Variants in MARK1 observed in about 807,000 individuals in gnomAD.
The protein encoded by MARK1 is serine/threonine-protein kinase MARK1.
In MARK1, 40 loss-of-function variants were observed where a neutral mutation model predicts 96.3. The observed-to-expected ratio is 0.42, with a 90% CI of 0.32 to 0.54. The LOEUF is 0.54. MARK1 is among the 20% of genes least tolerant of loss of function. The probability of loss-of-function intolerance (pLI) is 0.16; values close to 1 mark genes in which losing one functional copy is unlikely to be tolerated. For missense variants in MARK1, 719 were observed against 984.6 expected (o/e 0.73, Z 3.61); for synonymous variants, 317 against 341.2 (o/e 0.93, Z 0.78).
intron 13 of MARK1, among the ~76,000 whole-genome samples, chr1:220,646,970 A>G (rs1175844763): frequency 6.6e-6 from 1 of 152,220 alleles, no homozygotes; most frequent in East Asian, 1.9e-4. Context: ...AATCTAGGCA[A>G]TACCACTCAG....
At chr1:220,564,312 G>A (rs1406559567) in intron 1 of MARK1, among the ~76,000 whole-genome samples, 10 of 152,248 alleles carry the variant, frequency 6.6e-5, no homozygotes, top group Admixed American at 4.6e-4. Context: ...AAGCCCAGTC[G>A]TAGGGCTGTA....
Position 220,618,445 on chromosome 1 carries a change from GGAAAGAA to G in MARK1, c.690_696del (p.Lys231MetfsTer18). 6.2e-7 allele frequency: 1 copy of G among 1,614,148 alleles called. No homozygotes were observed. Among genetic ancestry groups the G allele is most frequent in the Non-Finnish European group, 8.5e-7 (1 of 1,180,006 alleles). On this transcript the variant is annotated frameshift_variant, in exon 8 of 18. Transcript: ENST00000366917. LOFTEE classifies it high-confidence loss of function. This position sits in a 1 kb window ranked among gnomAD's most constrained non-coding sequence, Gnocchi z 4.6. Reference sequence around the variant, plus strand: ...CTATGCTGCTCCCGAGCTTTTCCAAGGAAAGAAGTATGATGGGCCTGAAGTGGATGTG... The same window carrying G: ...CTATGCTGCTCCCGAGCTTTTCCAAGGTATGATGGGCCTGAAGTGGATGTG...
At chr1:220,640,841 A>T (rs1668229005) in intron 13 of MARK1, among the ~76,000 whole-genome samples, 2 of 152,190 alleles carry the variant, frequency 1.3e-5, no homozygotes, top group Non-Finnish European at 2.9e-5. Context: ...CCTTTGTGAG[A>T]CTAGAGCCTA....
At chr1:220,573,478 C>G (rs1663614758) in intron 1 of MARK1, among the ~76,000 whole-genome samples, 1 of 152,088 alleles carries the variant, frequency 6.6e-6, no homozygotes, top group Non-Finnish European at 1.5e-5. Flanking sequence ...CACCCGCCAC[C>G]ACGCCTGGCT....
rs1303941597 is a variant in MARK1, at chr1:220,528,637, T to A, written c.-186T>A. On this transcript the variant is annotated 5_prime_UTR_variant, in exon 1 of 18. Transcript: ENST00000366917. ...CGCCGCCGCGGGAAGCGGCTCCCCCTCCTCTTCCTCCGCGTCCTCTTCCCT... is the reference window on the plus strand; with the variant it reads ...CGCCGCCGCGGGAAGCGGCTCCCCCACCTCTTCCTCCGCGTCCTCTTCCCT... 2.0e-6 allele frequency: 1 copy of A among 503,796 alleles called. No individual in the cohort carries two copies. Among genetic ancestry groups the A allele is most frequent in the Non-Finnish European group, 3.5e-6 (1 of 286,876 alleles). The allele number at this position is 503,796 out of a possible 1,614,324, so 31.2% of individuals were successfully genotyped here. A position where few individuals can be genotyped will look rare whatever the true frequency, so the allele number is the denominator to read the frequency against.
chr1:220,614,837 T>G (rs1251485902), intron 6 of MARK1, among the ~76,000 whole-genome samples: 2 of 152,178 alleles, frequency 1.3e-5, no homozygotes, highest in Non-Finnish European at 2.9e-5. Context: ...TTCAAACCAT[T>G]TTAATATACA....
intron 13 of MARK1, among the ~76,000 whole-genome samples, chr1:220,644,469 A>G (rs1201998820): frequency 8.1e-6 from 1 of 123,748 alleles, no homozygotes; most frequent in Non-Finnish European, 1.7e-5. Context: ...CCCCACACAC[A>G]CACAATAATA....
intron 3 of MARK1, among the ~76,000 whole-genome samples, chr1:220,587,648 G>T (rs1325636336): frequency 2.0e-5 from 3 of 152,136 alleles, no homozygotes; most frequent in African/African-American, 4.8e-5. Context: ...GGGATTACAG[G>T]CATGAGCCAC....
chr1:220,659,465 G>A (rs1190167920), intron 17 of MARK1, among the ~76,000 whole-genome samples: 1 of 152,170 alleles, frequency 6.6e-6, no homozygotes, highest in African/African-American at 2.4e-5. Flanking sequence ...CTTCAACTCT[G>A]CGTGCCTCCA....
intron 1 of MARK1, among the ~76,000 whole-genome samples, chr1:220,556,888 A>G (rs1662300475): frequency 6.6e-6 from 1 of 152,220 alleles, no homozygotes; most frequent in African/African-American, 2.4e-5. Flanking sequence ...TGAGGATATT[A>G]AAGACTGGTT....
intron 5 of MARK1, among the ~76,000 whole-genome samples, chr1:220,603,695 G>A (rs537231724): frequency 6.6e-6 from 1 of 152,132 alleles, no homozygotes; most frequent in Non-Finnish European, 1.5e-5. Flanking sequence ...TGTTTGAAAC[G>A]TAGGCCCCAA....
intron 2 of MARK1, among the ~76,000 whole-genome samples, chr1:220,580,021 CGT>C (rs1664127095): frequency 6.6e-6 from 1 of 151,858 alleles, no homozygotes; most frequent in South Asian, 2.1e-4. Context: ...TCTAAAATCT[CGT>C]GTGTTTTAAG....
chr1:220,607,547 C>T (rs144735792), intron 6 of MARK1, among the ~76,000 whole-genome samples: 3,724 of 151,874 alleles, frequency 0.025, 115 homozygotes, highest in East Asian at 0.16. Context: ...CTGGCCAGAA[C>T]TTCCAACACT....
At chr1:220,567,759 A>G (rs1663157487) in intron 1 of MARK1, among the ~76,000 whole-genome samples, 1 of 152,172 alleles carries the variant, frequency 6.6e-6, no homozygotes, top group Non-Finnish European at 1.5e-5. Context: ...GGTAATAACA[A>G]CATTTTATAG....
At chr1:220,536,787 G>T (rs776978857) in intron 1 of MARK1, among the ~76,000 whole-genome samples, 12 of 152,200 alleles carry the variant, frequency 7.9e-5, no homozygotes, top group Non-Finnish European at 1.2e-4. Context: ...CGCCATGTTG[G>T]CCAGGTTGGT....
Position 220,615,966 on chromosome 1 carries a change from C to G in MARK1, c.523C>G (p.Gln175Glu), listed in dbSNP as rs1407346638. The change falls in exon 7 of 18, where the codon CAA (glutamine) becomes GAA (glutamate). Residue 175 changes from glutamine to glutamate, a missense_variant. Gln to Glu is a conservative substitution (Grantham distance 29, BLOSUM62 2). Around this residue, in one of 4 missense-constraint regions of MARK1, gnomAD observed 96 missense variants for 213.1 expected, o/e 0.45. Coordinates refer to ENST00000366917, the MANE Select transcript of MARK1 (RefSeq NM_018650.5). ...TGTATCTGCTGTACAGTATTGTCAT[C>G]AAAAGTACATTGTTCACCGTGATCT... The part of the protein sequence containing the change: ...QIVSAVQYCH[Q>E]KYIVHRDLKA... 6.4e-7 allele frequency: 1 copy of G among 1,558,876 alleles called. No individual in the cohort carries two copies. The highest frequency in any genetic ancestry group is 2.3e-5 in the East Asian group (1 of 43,864).
chr1:220,641,556 A>C (rs1668269154), intron 13 of MARK1, among the ~76,000 whole-genome samples: 1 of 152,156 alleles, frequency 6.6e-6, no homozygotes, highest in Non-Finnish European at 1.5e-5. Context: ...GCCCAAACAG[A>C]CTAAGACATG....
At position 220,653,234 on chromosome 1, in the gene MARK1, A is replaced by G; in HGVS notation, c.1870A>G (p.Ser624Gly). ...FHGEQLRERR[S>G]VAYNGPPASP... Reference sequence around the variant, plus strand: ...TGGTGAACAGCTCCGGGAGCGACGCAGCGTTGCTTATAATGGGCCACCTGC... The same window carrying G: ...TGGTGAACAGCTCCGGGAGCGACGCGGCGTTGCTTATAATGGGCCACCTGC... The change falls in exon 16 of 18, where the codon AGC becomes GGC. Residue 624 changes from serine to glycine, a missense_variant. Ser to Gly is a moderately conservative substitution (Grantham distance 56, BLOSUM62 0). Transcript: ENST00000366917. 3 of 1,614,220 alleles carry G rather than the reference A, an allele frequency of 1.9e-6. No individual in the cohort carries two copies. Among genetic ancestry groups the G allele is most frequent in the Non-Finnish European group, 2.5e-6 (3 of 1,180,046 alleles).
chr1:220,545,493 G>A (rs1423029841), intron 1 of MARK1, among the ~76,000 whole-genome samples: 1 of 126,426 alleles, frequency 7.9e-6, no homozygotes, highest in African/African-American at 2.9e-5. Flanking sequence ...CTAGAGTGCA[G>A]TAGCGTGATC....
Sources: allele counts gnomAD v4.1 joint callset (sites outside exome capture counted in the v4.1 genomes callset), GRCh38; gene constraint gnomAD v4.1.1; regional missense constraint gnomAD v4.1.1; non-coding constraint Gnocchi (gnomAD v3.1); transcripts MANE v1.5; gene names NCBI Gene and HGNC (gene_info 2026-07-23, HGNC 2026-07-21).